Variants in PTPRD observed in about 807,000 individuals in gnomAD.
PTPRD encodes the protein receptor-type tyrosine-protein phosphatase delta.
Under a neutral mutation model 214.5 loss-of-function variants are expected in PTPRD, and 34 were observed. That is an observed-to-expected ratio of 0.16 (90% CI 0.12 to 0.21). The LOEUF (loss-of-function observed/expected upper bound fraction) is 0.21, where lower values mean the gene tolerates loss of function less well. PTPRD is among the 10% of genes least tolerant of loss of function. PTPRD has a pLI of 1.00. For missense variants in PTPRD, 2,545 were observed against 2,398.7 expected (o/e 1.06, Z -1.27); for synonymous variants, 1,128 against 845.7 (o/e 1.33, Z -5.79).
At chr9:10,482,168 G>A (rs1038753671) in intron 2 of PTPRD, among the ~76,000 whole-genome samples, 39 of 152,102 alleles carry the variant, frequency 2.6e-4, no homozygotes, top group South Asian at 8.3e-4. Flanking sequence ...TCAGGAGATT[G>A]AGACCAGCCC....
At chr9:10,566,734 C>A (rs773083278) in intron 2 of PTPRD, among the ~76,000 whole-genome samples, 1 of 151,634 alleles carries the variant, frequency 6.6e-6, no homozygotes, top group African/African-American at 2.4e-5. Context: ...CGTTTTTTTG[C>A]GACTTAAGAA....
At chr9:10,248,043 C>T (rs1274778006) in intron 3 of PTPRD, among the ~76,000 whole-genome samples, 4 of 152,114 alleles carry the variant, frequency 2.6e-5, no homozygotes, top group Non-Finnish European at 5.9e-5. Flanking sequence ...AGCCCTCTCT[C>T]TTGCCTGCTG....
At chr9:9,459,982 G>A (rs2093483903) in intron 8 of PTPRD, among the ~76,000 whole-genome samples, 1 of 151,966 alleles carries the variant, frequency 6.6e-6, no homozygotes, top group Non-Finnish European at 1.5e-5. Context: ...CCATGGAACT[G>A]GTACAAAAAT....
chr9:10,541,630 T>C (rs1198856108), intron 2 of PTPRD, among the ~76,000 whole-genome samples: 1 of 151,970 alleles, frequency 6.6e-6, no homozygotes, highest in Non-Finnish European at 1.5e-5. Context: ...ATGTTTGTTA[T>C]TCTTTATATT....
intron 10 of PTPRD, among the ~76,000 whole-genome samples, chr9:9,146,027 C>G (rs1393084387): frequency 1.3e-5 from 2 of 152,188 alleles, no homozygotes; most frequent in Non-Finnish European, 2.9e-5. Context: ...CCACTCCACC[C>G]ACTCAACAGA....
intron 11 of PTPRD, among the ~76,000 whole-genome samples, chr9:8,989,700 T>G (rs1171257528): frequency 6.6e-6 from 1 of 152,134 alleles, no homozygotes; most frequent in Non-Finnish European, 1.5e-5. Flanking sequence ...TGACCAATAT[T>G]TAAGATATAG....
At chr9:9,177,482 A>G (rs1225585553) in intron 10 of PTPRD, among the ~76,000 whole-genome samples, 1 of 152,116 alleles carries the variant, frequency 6.6e-6, no homozygotes, top group Non-Finnish European at 1.5e-5. Context: ...TATACTTTAT[A>G]CTCATTAATA....
At chr9:9,976,689 C>CAGAAAAAAAAAAAAAAAAAAA (rs1765462399) in intron 4 of PTPRD, among the ~76,000 whole-genome samples, 1 of 63,268 alleles carries the variant, frequency 1.6e-5, no homozygotes, top group South Asian at 7.8e-4. Context: ...ACCCTGCCAC[C>CAGAAAAAAAAAAAAAAAAAAA]AAAAAAAAAA....
intron 35 of PTPRD, among the ~76,000 whole-genome samples, chr9:8,434,793 T>C (rs895523647): frequency 1.5e-4 from 23 of 152,104 alleles, no homozygotes; most frequent in Admixed American, 6.5e-5. Context: ...GTGCTATTTA[T>C]GATTTGCCTT....
chr9:10,520,277 G>C (rs188954800), intron 2 of PTPRD, among the ~76,000 whole-genome samples: 1 of 152,144 alleles, frequency 6.6e-6, no homozygotes, highest in East Asian at 1.9e-4. Flanking sequence ...AATTGTGGTG[G>C]TCTACATAGA....
intron 3 of PTPRD, among the ~76,000 whole-genome samples, chr9:10,245,752 G>T (rs977135957): frequency 2.6e-5 from 4 of 152,128 alleles, no homozygotes; most frequent in African/African-American, 9.7e-5. Context: ...TGGGACAGGG[G>T]GAAGACAGAT....
At chr9:8,632,014 T>C (rs1595700117) in intron 14 of PTPRD, among the ~76,000 whole-genome samples, 2 of 151,848 alleles carry the variant, frequency 1.3e-5, no homozygotes, top group African/African-American at 4.8e-5. Flanking sequence ...ATACATCCAA[T>C]TGTCAATACT....
chr9:9,243,597 T>C (rs372854517), intron 9 of PTPRD, among the ~76,000 whole-genome samples: 2 of 152,134 alleles, frequency 1.3e-5, no homozygotes, highest in East Asian at 1.9e-4. Context: ...ACAATCTTCA[T>C]GCTAAAAACT....
chr9:9,224,198 G>C (rs1423489094), intron 9 of PTPRD, among the ~76,000 whole-genome samples: 1 of 151,928 alleles, frequency 6.6e-6, no homozygotes, highest in Admixed American at 6.6e-5. Context: ...ACACAGAACT[G>C]GTGATAGACT....
At chr9:9,768,030 G>C (rs528170630) in intron 5 of PTPRD, among the ~76,000 whole-genome samples, 1 of 152,262 alleles carries the variant, frequency 6.6e-6, no homozygotes, top group South Asian at 2.1e-4. Flanking sequence ...CCATCACTTA[G>C]ATCATATAAT....
intron 3 of PTPRD, among the ~76,000 whole-genome samples, chr9:10,333,558 G>C (rs545764592): frequency 6.9e-4 from 105 of 151,834 alleles, no homozygotes; most frequent in African/African-American, 2.4e-3. Flanking sequence ...CATTTTTGAG[G>C]GGTTTGAGAA....
At chr9:9,157,128 A>C (rs2099881894) in intron 10 of PTPRD, among the ~76,000 whole-genome samples, 1 of 152,240 alleles carries the variant, frequency 6.6e-6, no homozygotes, top group Non-Finnish European at 1.5e-5. Flanking sequence ...ATGTAGCAAA[A>C]GTAGCCCAAA....
At chr9:8,490,493 A>G (rs1040745961) in intron 27 of PTPRD, among the ~76,000 whole-genome samples, 1 of 152,198 alleles carries the variant, frequency 6.6e-6, no homozygotes, top group African/African-American at 2.4e-5. Flanking sequence ...TCTCCCTGTC[A>G]CAGTCATCTT....
chr9:10,491,721 T>C (rs534106698), intron 2 of PTPRD, among the ~76,000 whole-genome samples: 4 of 152,222 alleles, frequency 2.6e-5, no homozygotes, highest in African/African-American at 9.6e-5. Flanking sequence ...CTTTCTTTTT[T>C]TTTTTATTAT....
Sources: gnomAD v4.1 joint callset for allele counts (sites outside exome capture counted in the v4.1 genomes callset) on GRCh38, gnomAD v4.1.1 for gene constraint, MANE v1.5 for transcripts, NCBI Gene and HGNC (gene_info 2026-07-23, HGNC 2026-07-21) for gene names.